Variants in HSD17B3 observed in about 807,000 individuals in gnomAD.
HSD17B3 encodes hydroxysteroid 17-beta dehydrogenase 3.
In HSD17B3, 29 loss-of-function variants were observed where a neutral mutation model predicts 41.1. That is an observed-to-expected ratio of 0.71 (90% CI 0.53 to 0.96). The LOEUF is 0.96. Among genes scored for constraint, HSD17B3 ranks in the 40% least tolerant of loss-of-function variants. HSD17B3 has a pLI of 0.00. For synonymous variants in HSD17B3, 126 were observed against 145.6 expected (o/e 0.87, Z 0.97); for missense variants, 323 against 374.6 (o/e 0.86, Z 1.14).
intron 2 of HSD17B3, among the ~76,000 whole-genome samples, chr9:96,286,956 C>T (rs767773534): frequency 6.6e-5 from 10 of 152,270 alleles, no homozygotes; most frequent in Middle Eastern, 3.4e-3. Context: ...CCTTTACTTT[C>T]GTAATAATCT....
chr9:96,284,619 TC>T (rs1380236902), intron 2 of HSD17B3, among the ~76,000 whole-genome samples: 4 of 152,300 alleles, frequency 2.6e-5, no homozygotes, highest in African/African-American at 7.2e-5. Flanking sequence ...GAAACTGGCC[TC>T]ATACCTTGCC....
At chr9:96,291,190 G>T (rs1827142534) in intron 2 of HSD17B3, among the ~76,000 whole-genome samples, 2 of 151,984 alleles carry the variant, frequency 1.3e-5, no homozygotes, top group Non-Finnish European at 1.5e-5. Flanking sequence ...TGATAACAGA[G>T]GAGGCCTCAT....
At chr9:96,236,504 G>A (rs930269683) in intron 10 of HSD17B3, among the ~76,000 whole-genome samples, 3 of 140,750 alleles carry the variant, frequency 2.1e-5, no homozygotes, top group East Asian at 2.1e-4. Context: ...GTGACAGAGC[G>A]AGAGTCTGTC....
At chr9:96,244,886 G>C (rs577818990) in intron 8 of HSD17B3, among the ~76,000 whole-genome samples, 1 of 152,002 alleles carries the variant, frequency 6.6e-6, no homozygotes, top group Non-Finnish European at 1.5e-5. Flanking sequence ...TTCATCCCCC[G>C]GTCTGGGAAG....
chr9:96,268,890 A>C (rs1826135445), intron 2 of HSD17B3, among the ~76,000 whole-genome samples: 1 of 152,196 alleles, frequency 6.6e-6, no homozygotes, highest in Admixed American at 6.5e-5. Context: ...CAGAGGTTGC[A>C]GTGAGCCGAG....
chr9:96,245,340 C>T lies in HSD17B3; in HGVS notation c.606+5G>A. 1 of 1,607,336 alleles carries T rather than the reference C, an allele frequency of 6.2e-7. No individual in the cohort carries two copies. Among genetic ancestry groups the T allele is most frequent in the Non-Finnish European group, 8.5e-7 (1 of 1,173,722 alleles). On this transcript the variant is annotated splice_donor_5th_base_variant and intron_variant, in intron 8 of 10. Transcript: ENST00000375263. The stretch of plus-strand genomic sequence containing the variant: ...AAGAGACTTGGAAGTCATGACATCA[C>T]TCACCTTGGAAGCTGAGTACATGGA...
intron 6 of HSD17B3, 27 bp downstream of exon 6, chr9:96,249,724 C>A: frequency 6.2e-7 from 1 of 1,608,586 alleles, no homozygotes; most frequent in East Asian, 2.2e-5. Flanking sequence ...CATGTTAATG[C>A]ATTTCGCACA....
At chr9:96,274,872 A>C (rs1026347966) in intron 2 of HSD17B3, among the ~76,000 whole-genome samples, 1 of 152,190 alleles carries the variant, frequency 6.6e-6, no homozygotes, top group Non-Finnish European at 1.5e-5. Context: ...TCTTGAGAGG[A>C]AAATGGACAT....
chr9:96,237,061 G>A (rs74786238), intron 10 of HSD17B3, among the ~76,000 whole-genome samples: 5,323 of 152,200 alleles, frequency 0.035, 223 homozygotes, highest in Admixed American at 0.12. Flanking sequence ...CACTAGCCAC[G>A]TCGCTGAATC....
intron 3 of HSD17B3, 50 bp downstream of exon 3, chr9:96,254,818 C>T (rs1322444166): frequency 1.3e-6 from 2 of 1,501,192 alleles, no homozygotes; most frequent in Admixed American, 1.7e-5. Flanking sequence ...TGGGAGCAGG[C>T]TTGGTTGGAG....
intron 2 of HSD17B3, among the ~76,000 whole-genome samples, chr9:96,267,490 G>A (rs190567130): frequency 2.6e-5 from 4 of 152,046 alleles, no homozygotes; most frequent in Admixed American, 6.5e-5. Flanking sequence ...AAATACCTTC[G>A]GAGGAATTAG....
At chr9:96,295,586 C>A (rs532423055) in intron 2 of HSD17B3, among the ~76,000 whole-genome samples, 2 of 150,982 alleles carry the variant, frequency 1.3e-5, no homozygotes, top group South Asian at 4.2e-4. Context: ...CCACCCTCCT[C>A]GGCCTCCCAA....
chr9:96,285,367 C>G (rs1179123329), intron 2 of HSD17B3, among the ~76,000 whole-genome samples: 6 of 152,000 alleles, frequency 3.9e-5, no homozygotes, highest in African/African-American at 1.5e-4. Context: ...TTAGACTAAC[C>G]CTGTTTATTC....
chr9:96,273,322 G>A (rs996818451), intron 2 of HSD17B3, among the ~76,000 whole-genome samples: 3 of 152,202 alleles, frequency 2.0e-5, no homozygotes, highest in African/African-American at 7.2e-5. Context: ...TTACAAAGAA[G>A]TTTCAGCAAT....
intron 6 of HSD17B3, chr9:96,247,423 A>G (rs1471140400): frequency 6.6e-6 from 1 of 152,526 alleles, no homozygotes; most frequent in Non-Finnish European, 1.5e-5. Flanking sequence ...CCATTTCTCC[A>G]TGCTGTCCAG....
At chr9:96,264,578 G>A (rs940864137) in intron 2 of HSD17B3, among the ~76,000 whole-genome samples, 3 of 152,088 alleles carry the variant, frequency 2.0e-5, no homozygotes, top group African/African-American at 7.2e-5. Context: ...TTGCCATGTT[G>A]GCCAGGCTGG....
chr9:96,250,526 T>A, intron 5 of HSD17B3: 2 of 1,008,118 alleles, frequency 2.0e-6, no homozygotes, highest in Non-Finnish European at 2.4e-6. Flanking sequence ...CCTGTTCAGA[T>A]TGGTGTAGCC....
At chr9:96,284,394 T>C (rs906617573) in intron 2 of HSD17B3, among the ~76,000 whole-genome samples, 3 of 152,224 alleles carry the variant, frequency 2.0e-5, no homozygotes, top group East Asian at 1.9e-4. Flanking sequence ...CATTTGTTTC[T>C]CTCTACCTGA....
At chr9:96,263,565 A>G (rs200878585) in intron 2 of HSD17B3, among the ~76,000 whole-genome samples, 2 of 137,668 alleles carry the variant, frequency 1.5e-5, no homozygotes, top group Admixed American at 7.3e-5. Flanking sequence ...AAAAAAAAAA[A>G]GAAAAAAAAA....
Sources: allele counts gnomAD v4.1 joint callset (sites outside exome capture counted in the v4.1 genomes callset), GRCh38; gene constraint gnomAD v4.1.1; transcripts MANE v1.5; gene names NCBI Gene and HGNC (gene_info 2026-07-23, HGNC 2026-07-21).